Variants in RNF145 observed in about 807,000 individuals in gnomAD.
RNF145 encodes the protein ring finger protein 145.
In RNF145, 12 loss-of-function variants were observed where a neutral mutation model predicts 57.3. That is an observed-to-expected ratio of 0.21 (90% confidence interval 0.13 to 0.34). RNF145 has a LOEUF of 0.34. Among genes scored for constraint, RNF145 ranks in the 10% least tolerant of loss-of-function variants. The probability of loss-of-function intolerance (pLI) is 1.00; values close to 1 mark genes in which losing one functional copy is unlikely to be tolerated. For missense variants in RNF145, 429 were observed against 799.0 expected (o/e 0.54, Z 5.58); for synonymous variants, 262 against 288.3 (o/e 0.91, Z 0.92).
intron 8 of RNF145, among the ~76,000 whole-genome samples, chr5:159,164,595 C>T (rs566208743): frequency 2.0e-5 from 3 of 151,866 alleles, no homozygotes; most frequent in African/African-American, 7.3e-5. Flanking sequence ...ACATATATGT[C>T]CTTATCTAAA....
intron 2 of RNF145, 57 bp downstream of exon 2, chr5:159,203,377 T>C (rs1014937583): frequency 1.6e-5 from 20 of 1,213,144 alleles, no homozygotes; most frequent in Non-Finnish European, 3.6e-6. Context: ...AAAAAGATAC[T>C]AAGACATAAA....
intron 9 of RNF145, 37 bp downstream of exon 9, chr5:159,162,895 T>C (rs1332477531): frequency 6.5e-7 from 1 of 1,528,498 alleles, no homozygotes; most frequent in Non-Finnish European, 8.8e-7. Context: ...AATAACAAAA[T>C]TGGTTATTAT....
At chr5:159,205,048 T>C (rs920905568) in intron 1 of RNF145, among the ~76,000 whole-genome samples, 3 of 152,170 alleles carry the variant, frequency 2.0e-5, no homozygotes, top group Admixed American at 6.5e-5. Context: ...TATTTCCATC[T>C]TACCCTCCAA....
chr5:159,188,187 C>T (rs961802257), intron 3 of RNF145, among the ~76,000 whole-genome samples: 3 of 151,996 alleles, frequency 2.0e-5, no homozygotes, highest in African/African-American at 7.2e-5. Context: ...CTGAGACCAT[C>T]CTGGCTAACA....
chr5:159,174,306 T>C (rs1158895268), intron 5 of RNF145, 148 bp from the exon 6 acceptor site: 17 of 608,280 alleles, frequency 2.8e-5, no homozygotes, highest in Non-Finnish European at 4.6e-5. Flanking sequence ...TTAGCCTATA[T>C]AGTTAATAAA....
intron 8 of RNF145, among the ~76,000 whole-genome samples, chr5:159,163,831 T>A (rs1275883632): frequency 1.3e-5 from 2 of 152,192 alleles, no homozygotes; most frequent in Non-Finnish European, 2.9e-5. Flanking sequence ...CTAACTGCCC[T>A]CTCAGCAAAA....
chr5:159,182,155 C>T (rs536285232), intron 3 of RNF145, 104 bp from the exon 4 acceptor site: 41 of 600,604 alleles, frequency 6.8e-5, no homozygotes, highest in Non-Finnish European at 1.1e-4. Flanking sequence ...CTTTCCATAT[C>T]TAAGGAAAAA....
At chr5:159,159,275 A>C (rs1157422827) in intron 10 of RNF145, among the ~76,000 whole-genome samples, 1 of 152,208 alleles carries the variant, frequency 6.6e-6, no homozygotes, top group Non-Finnish European at 1.5e-5. Flanking sequence ...AAAACCAAAA[A>C]TGAGGAAGAA....
chr5:159,160,542 C>G lies in RNF145; in HGVS notation c.1626+724G>C, dbSNP rs537795247. On this transcript the variant is annotated intron_variant, in intron 10 of 10. Coordinates refer to ENST00000424310, the MANE Select transcript of RNF145 (RefSeq NM_001199383.2). ...CTTTAAAAATGGGACATAGTTTCTG[C>G]TGTTGGCCATCATCTCTGTCCATTA... Among the ~76,000 whole-genome samples the G allele has an allele frequency of 9.2e-5, 14 of 152,340 alleles. No individual in the cohort carries two copies. The South Asian group carries it at 2.9e-3, about 32-fold the overall frequency.
chr5:159,165,300 T>C (rs1417956130), intron 8 of RNF145, among the ~76,000 whole-genome samples: 1 of 152,246 alleles, frequency 6.6e-6, no homozygotes, highest in Non-Finnish European at 1.5e-5. Context: ...GTGTGCTTCA[T>C]TCTCTTCCCT....
intron 9 of RNF145, among the ~76,000 whole-genome samples, chr5:159,162,724 G>A (rs527358371): frequency 8.5e-5 from 13 of 152,238 alleles, no homozygotes; most frequent in Admixed American, 2.0e-4. Flanking sequence ...GTGAGCCACC[G>A]CGCCCGGCCG....
In RNF145 at chr5:159,169,052, G is replaced by A. The variant is rs141443463; in HGVS notation, c.942C>T (p.Gly314=). The change falls in exon 8 of 11, where the codon GGC becomes GGT. Residue 314 remains glycine, a synonymous_variant. Coordinates refer to ENST00000424310, the MANE Select transcript of RNF145 (RefSeq NM_001199383.2). ...TTAACAGCGTTACTCCTTCTGTCAT[G>A]CCCCTAAAAAAAGCATACATTTTCA... The part of the protein sequence containing the change: ...AFMNDPAMNR[G]MTEGVTLLIL... 1 of 1,539,702 alleles carries A rather than the reference G, an allele frequency of 6.5e-7. No individual in the cohort carries two copies. Among genetic ancestry groups the A allele is most frequent in the Non-Finnish European group, 8.7e-7 (1 of 1,149,912 alleles).
chr5:159,203,541 AG>A lies in RNF145; in HGVS notation c.76del (p.Leu26CysfsTer36). 1 of 1,614,004 alleles carries A rather than the reference AG, an allele frequency of 6.2e-7. No homozygotes were observed. Among genetic ancestry groups the A allele is most frequent in the Non-Finnish European group, 8.5e-7 (1 of 1,179,906 alleles). ...AAAGGAGCTGACATCCCATCTGTAC[AG>A]GACATCCAACAGCATGATGCTTGGC... ...RVPSIMLLDV[L>X]YRWDVSSFFQ... is the part of the protein sequence containing the mutation. On this transcript the variant is annotated frameshift_variant, in exon 2 of 11. Transcript: ENST00000424310. LOFTEE classifies it high-confidence loss of function.
At chr5:159,164,030 C>A (rs2113087196) in intron 8 of RNF145, among the ~76,000 whole-genome samples, 1 of 152,288 alleles carries the variant, frequency 6.6e-6, no homozygotes, top group South Asian at 2.1e-4. Context: ...AGTAAAGCAT[C>A]TCAAAGAGAC....
At chr5:159,206,281 C>A (rs1235751127) in intron 1 of RNF145, among the ~76,000 whole-genome samples, 1 of 152,100 alleles carries the variant, frequency 6.6e-6, no homozygotes, top group Non-Finnish European at 1.5e-5. Context: ...TATTTCTATA[C>A]GTGAATGTTA....
intron 3 of RNF145, among the ~76,000 whole-genome samples, chr5:159,190,517 T>A (rs10057691): frequency 0.38 from 57,855 of 151,462 alleles, 12,797 homozygotes; most frequent in African/African-American, 0.59. Flanking sequence ...AAGAAACCCA[T>A]CTCTACAAAA....
chr5:159,161,116 C>A, intron 10 of RNF145, 150 bp downstream of exon 10: 1 of 536,864 alleles, frequency 1.9e-6, no homozygotes, highest in East Asian at 3.1e-5. Flanking sequence ...AATATTTTAT[C>A]AGGTCTTTAA....
chr5:159,191,345 G>C (rs1271985283), intron 3 of RNF145, among the ~76,000 whole-genome samples: 4 of 152,058 alleles, frequency 2.6e-5, no homozygotes, highest in Admixed American at 6.6e-5. Flanking sequence ...TGAAAACATG[G>C]ATTCAAGTTA....
intron 2 of RNF145, among the ~76,000 whole-genome samples, chr5:159,197,296 C>A (rs115356179): frequency 1.5e-3 from 234 of 152,244 alleles, no homozygotes; most frequent in African/African-American, 5.5e-3. Flanking sequence ...GTACGTTAGA[C>A]TAGACTTTGA....
Sources: gnomAD v4.1 joint callset for allele counts (sites outside exome capture counted in the v4.1 genomes callset) on GRCh38, gnomAD v4.1.1 for gene constraint, MANE v1.5 for transcripts, NCBI Gene and HGNC (gene_info 2026-07-23, HGNC 2026-07-21) for gene names.